The following CCDC150 variants were observed in gnomAD, a reference collection of about 807,000 sequenced individuals.
The protein encoded by CCDC150 is coiled-coil domain containing 150.
CCDC150 carries 151 observed loss-of-function variants against 156.5 expected under a neutral mutation model. The ratio of observed to expected loss-of-function variants is 0.97; its 90% CI spans 0.85 to 1.10. CCDC150 has a LOEUF of 1.10. CCDC150 is among the 50% of genes least tolerant of loss of function. CCDC150 has a pLI of 0.00. For synonymous variants in CCDC150, 452 were observed against 429.4 expected (o/e 1.05, Z -0.65); for missense variants, 1,312 against 1,268.1 (o/e 1.03, Z -0.53).
chr2:196,692,259 C>G (rs907102392), intron 13 of CCDC150, among the ~76,000 whole-genome samples: 1 of 150,838 alleles, frequency 6.6e-6, no homozygotes, highest in African/African-American at 2.4e-5. Context: ...CTCAGCCTCC[C>G]CAGTAGCTGG....
At chr2:196,667,065 C>A in intron 7 of CCDC150, 1 of 549,266 alleles carries the variant, frequency 1.8e-6, no homozygotes, top group Non-Finnish European at 3.2e-6. Flanking sequence ...TAAACTATTC[C>A]TTATTTGTTT....
Position 196,666,820 on chromosome 2 carries a change from T to A in CCDC150, c.864T>A (p.Ile288=). 2 of 1,613,374 alleles carry A rather than the reference T, an allele frequency of 1.2e-6. No homozygotes were observed. The highest frequency in any genetic ancestry group is 4.5e-5 in the East Asian group (2 of 44,864). ...QEQKKKEELE[I]ATSQLKSDLT... is the part of the protein sequence containing the mutation. ...AAAAAAAAAAAGAAGAGTTGGAGATTGCTACTTCACAGCTCAAATCTGATC... is the reference window on the plus strand; with the variant it reads ...AAAAAAAAAAAGAAGAGTTGGAGATAGCTACTTCACAGCTCAAATCTGATC... Residue 288 remains isoleucine (I), a synonymous_variant, in exon 7 of 28, where the codon ATT becomes ATA. Transcript: ENST00000389175.
At chr2:196,685,530 T>C (rs933194946) in intron 13 of CCDC150, among the ~76,000 whole-genome samples, 2 of 152,162 alleles carry the variant, frequency 1.3e-5, no homozygotes, top group African/African-American at 4.8e-5. Flanking sequence ...TTTATTTATC[T>C]GGGAATGTCT....
At chr2:196,720,353 A>G in intron 19 of CCDC150, 1 of 503,476 alleles carries the variant, frequency 2.0e-6, no homozygotes, top group Non-Finnish European at 3.6e-6. Context: ...AATACTATTC[A>G]CAATAAATTT....
chr2:196,720,528 A>C, intron 19 of CCDC150, 47 bp from the exon 20 acceptor site: 1 of 1,500,884 alleles, frequency 6.7e-7, no homozygotes, highest in Non-Finnish European at 9.2e-7. Flanking sequence ...TATCATTCCT[A>C]CACGATTCTT....
chr2:196,674,114 G>C, intron 9 of CCDC150, 127 bp from the exon 10 acceptor site: 1 of 568,736 alleles, frequency 1.8e-6, no homozygotes, highest in East Asian at 3.1e-5. Context: ...TGTGAATTGA[G>C]GATAGGTTAA....
Position 196,684,250 on chromosome 2 carries a change from T to C in CCDC150, c.1509+6889T>C, listed in dbSNP as rs138516799. On this transcript the variant is annotated intron_variant, in intron 13 of 27. Coordinates refer to ENST00000389175, the MANE Select transcript of CCDC150 (RefSeq NM_001080539.2). Reference sequence around the variant, plus strand: ...TATGAGATGTTTTGTTATTTTGTGTTTTCATTTTTGTTTATCTCAAACTGT... The same window carrying C: ...TATGAGATGTTTTGTTATTTTGTGTCTTCATTTTTGTTTATCTCAAACTGT... Among the ~76,000 whole-genome samples the C allele has an allele frequency of 9.9e-4, 150 of 152,284 alleles. No individual in the cohort carries two copies. In the East Asian group the frequency reaches 0.019, roughly 19 times the overall value.
rs1559250142 is a variant in CCDC150 at position 196,695,084 on chromosome 2, TGAA to T, written c.1554_1556del (p.Glu519del). On this transcript the variant is annotated inframe_deletion, in exon 14 of 28. Transcript: ENST00000389175. ...CATTAACTCATAACCTGCAGACTCT[TGAA>T]GAAGAGAATAAGCACCTGGCAGATC... The T allele has an allele frequency of 6.2e-7, 1 of 1,611,994 alleles. No individual in the cohort carries two copies. The highest frequency in any genetic ancestry group is 2.2e-5 in the East Asian group (1 of 44,838).
Position 196,721,579 on chromosome 2 carries a change from A to C in CCDC150, c.2317A>C (p.Met773Leu). The C allele has an allele frequency of 6.2e-7, 1 of 1,608,842 alleles. No homozygotes were observed. Reference protein sequence around the residue: ...VAREDNRKLAMSLEQALQTNN... With the variant: ...VAREDNRKLALSLEQALQTNN... ...TAGAGAAGACAACAGGAAACTTGCT[A>C]TGAGTCTGGAACAAGCTCTCCAGAC... is the stretch of plus-strand genomic sequence containing the variant. Residue 773 changes from methionine (M) to leucine (L), a missense_variant, in exon 21 of 28, where the codon ATG (methionine) becomes CTG (leucine). Met to Leu is a conservative substitution (Grantham distance 15). Coordinates refer to ENST00000389175, the MANE Select transcript of CCDC150 (RefSeq NM_001080539.2).
At position 196,730,901 on chromosome 2, in the gene CCDC150, G is replaced by T; in HGVS notation, c.3025G>T (p.Ala1009Ser). The stretch of plus-strand genomic sequence containing the variant: ...CAGACACCTGAAGAAATGTAAAGAG[G>T]CAACAGAGAATACGCTGAAAGAAGC... Reference protein sequence around the residue: ...TVRHLKKCKEATENTLKEASV... With the variant: ...TVRHLKKCKESTENTLKEASV... Residue 1009 changes from alanine to serine, a missense_variant, in exon 26 of 28, where the codon GCA (alanine) becomes TCA (serine). Physicochemically the swap from Ala to Ser is moderately conservative, Grantham distance 99. Transcript: ENST00000389175. 1 of 1,602,082 alleles carries T rather than the reference G, an allele frequency of 6.2e-7. No individual in the cohort carries two copies. Among genetic ancestry groups the T allele is most frequent in the Non-Finnish European group, 8.5e-7 (1 of 1,174,198 alleles).
chr2:196,697,867 A>G (rs1049542560), intron 14 of CCDC150, among the ~76,000 whole-genome samples: 1 of 152,038 alleles, frequency 6.6e-6, no homozygotes, highest in African/African-American at 2.4e-5. Flanking sequence ...ATCTTTGGCA[A>G]CCTGTCTTTC....
intron 21 of CCDC150, among the ~76,000 whole-genome samples, chr2:196,722,157 G>C (rs1037966606): frequency 6.6e-6 from 1 of 152,136 alleles, no homozygotes; most frequent in Non-Finnish European, 1.5e-5. Flanking sequence ...TCCAGTTCAG[G>C]TCAAATGACT....
At chr2:196,649,221 G>T (rs977147409) in intron 2 of CCDC150, among the ~76,000 whole-genome samples, 10 of 152,106 alleles carry the variant, frequency 6.6e-5, no homozygotes, top group African/African-American at 2.4e-4. Flanking sequence ...GATGGCTTTG[G>T]GTAGTATAGA....
chr2:196,721,507 G>C lies in CCDC150; in HGVS notation c.2260-15G>C. 1.9e-6 allele frequency: 3 copies of C among 1,583,532 alleles called. No homozygotes were observed. Among genetic ancestry groups the C allele is most frequent in the Non-Finnish European group, 2.6e-6 (3 of 1,166,828 alleles). On this transcript the variant is annotated splice_polypyrimidine_tract_variant and intron_variant, in intron 20 of 27. Transcript: ENST00000389175. ...TCCATTACAGTGGAATTGAAAACAT[G>C]CTTCTCTCTTTCAGATTGAATCTCT...
At position 196,729,229 on chromosome 2, in the gene CCDC150, G is replaced by C; in HGVS notation, c.2593G>C (p.Val865Leu). The C allele has an allele frequency of 1.2e-6, 2 of 1,613,738 alleles. No individual in the cohort carries two copies. Among genetic ancestry groups the C allele is most frequent in the Non-Finnish European group, 1.7e-6 (2 of 1,179,820 alleles). ...CCTTGATGAAGCTAACTTCAGATCAGTGGAAGTGTCCCGGACCAACCGAGA... is the reference window on the plus strand; with the variant it reads ...CCTTGATGAAGCTAACTTCAGATCACTGGAAGTGTCCCGGACCAACCGAGA... ...KALDEANFRS[V>L]EVSRTNRELR... is the part of the protein sequence containing the mutation. The change falls in exon 23 of 28, where the codon GTG becomes CTG. Residue 865 changes from valine (V) to leucine (L), a missense_variant. Val to Leu is a conservative substitution (Grantham distance 32). Coordinates refer to ENST00000389175, the MANE Select transcript of CCDC150 (RefSeq NM_001080539.2).
chr2:196,701,058 G>C, intron 14 of CCDC150, 51 bp from the exon 15 acceptor site: 1 of 1,179,396 alleles, frequency 8.5e-7, no homozygotes, highest in South Asian at 1.4e-5. Flanking sequence ...AATGAAAATG[G>C]TTATTCCTTT....
intron 13 of CCDC150, among the ~76,000 whole-genome samples, chr2:196,682,543 A>G (rs1353205243): frequency 1.3e-5 from 2 of 152,076 alleles, no homozygotes; most frequent in South Asian, 2.1e-4. Context: ...GAATCTGTAG[A>G]TCAATTTGAA....
chr2:196,718,509 T>A lies in CCDC150; in HGVS notation c.1873T>A (p.Ser625Thr), dbSNP rs77851013. The change falls in exon 18 of 28, where the codon TCT (serine) becomes ACT (threonine). Residue 625 changes from serine (S) to threonine (T), a missense_variant. Ser to Thr is a moderately conservative substitution (Grantham distance 58). Coordinates refer to ENST00000389175, the MANE Select transcript of CCDC150 (RefSeq NM_001080539.2). ...QADAHLKEVK[S>T]ILERSKEELS... ...TTTCTTTTTTCCTACTTAGGTGAAA[T>A]CTATTCTTGAAAGAAGTAAAGAGGA... 1.3e-3 allele frequency: 2,169 copies of A among 1,608,392 alleles called. 22 individuals carry two copies. In the African/African-American group the frequency reaches 0.025, roughly 18 times the overall value.
At chr2:196,697,595 C>T (rs1695915079) in intron 14 of CCDC150, among the ~76,000 whole-genome samples, 1 of 152,216 alleles carries the variant, frequency 6.6e-6, no homozygotes, top group East Asian at 1.9e-4. Flanking sequence ...ACCAGGATGA[C>T]ATTGTCAGTG....
Sources: allele counts gnomAD v4.1 joint callset (sites outside exome capture counted in the v4.1 genomes callset), GRCh38; gene constraint gnomAD v4.1.1; transcripts MANE v1.5; gene names NCBI Gene and HGNC (gene_info 2026-07-23, HGNC 2026-07-21).